CAGE1: variants seen among roughly 807,000 people sequenced by gnomAD.
The protein encoded by CAGE1 is cancer-associated gene 1 protein.
In CAGE1, 66 loss-of-function variants were observed where a neutral mutation model predicts 94.9. The observed-to-expected ratio is 0.70, with a 90% CI of 0.57 to 0.85. The LOEUF is 0.85. Among genes scored for constraint, CAGE1 ranks in the 40% least tolerant of loss-of-function variants. CAGE1 has a pLI of 0.00. For synonymous variants in CAGE1, 319 were observed against 321.0 expected (o/e 0.99, Z 0.07); for missense variants, 865 against 950.4 (o/e 0.91, Z 1.18).
At chr6:7,363,178 G>A (rs946007663) in intron 9 of CAGE1, among the ~76,000 whole-genome samples, 7 of 152,166 alleles carry the variant, frequency 4.6e-5, no homozygotes, top group Non-Finnish European at 2.9e-5. Flanking sequence ...GCTGAGGCAG[G>A]AGAATCGCTT....
intron 11 of CAGE1, among the ~76,000 whole-genome samples, chr6:7,349,736 C>A (rs549205826): frequency 6.6e-6 from 1 of 152,024 alleles, no homozygotes; most frequent in African/African-American, 2.4e-5. Context: ...AGTTTGAGAC[C>A]AGCCTGGCCA....
chr6:7,345,793 C>T (rs1306889774), intron 11 of CAGE1, among the ~76,000 whole-genome samples: 1 of 152,072 alleles, frequency 6.6e-6, no homozygotes, highest in African/African-American at 2.4e-5. Flanking sequence ...GGCGTCGTGG[C>T]AGGCCCCCAT....
Position 7,359,613 on chromosome 6 carries a change from C to A in CAGE1, c.2194-3484G>T, listed in dbSNP as rs535142260. ...TCCTTTTGGAGAGCTGCTCCCCGGGCAGTGTGGACTACAGCCAGTGAGAGG... is the reference window on the plus strand; with the variant it reads ...TCCTTTTGGAGAGCTGCTCCCCGGGAAGTGTGGACTACAGCCAGTGAGAGG... On this transcript the variant is annotated intron_variant, in intron 9 of 13. Transcript: ENST00000502583. Among the ~76,000 whole-genome samples, 17 of 152,250 alleles carry A rather than the reference C, an allele frequency of 1.1e-4. No homozygotes were observed. In the South Asian group the frequency reaches 3.5e-3, roughly 32 times the overall value.
intron 12 of CAGE1, among the ~76,000 whole-genome samples, chr6:7,333,551 G>C (rs1758825737): frequency 6.7e-6 from 1 of 150,164 alleles, no homozygotes; most frequent in Non-Finnish European, 1.5e-5. Flanking sequence ...AAAACATGAA[G>C]CACTTTCATA....
rs1334252821 is a variant in CAGE1 at position 7,378,848 on chromosome 6, T to A, written c.456A>T (p.Lys152Asn). Reference protein sequence around the residue: ...EFQSQVYNYAKDNNIKQDSFK... With the variant: ...EFQSQVYNYANDNNIKQDSFK... ...ATGAGTCTTGCTTTATATTGTTGTC[T>A]TTTGCATAATTATACACTTGACTTT... Residue 152 changes from lysine to asparagine, a missense_variant, in exon 4 of 14, where the codon AAA becomes AAT. Physicochemically the swap from Lys to Asn is moderately conservative, Grantham distance 94. Transcript: ENST00000502583. 1.2e-6 allele frequency: 2 copies of A among 1,612,724 alleles called. No individual in the cohort carries two copies. Among genetic ancestry groups the A allele is most frequent in the Non-Finnish European group, 1.7e-6 (2 of 1,179,134 alleles).
At chr6:7,348,223 A>C (rs1009730337) in intron 11 of CAGE1, among the ~76,000 whole-genome samples, 1 of 152,158 alleles carries the variant, frequency 6.6e-6, no homozygotes, top group African/African-American at 2.4e-5. Context: ...CACAGCTGAT[A>C]TCCATAGACA....
At chr6:7,341,523 C>G (rs1428933018) in intron 11 of CAGE1, 1 of 1,237,710 alleles carries the variant, frequency 8.1e-7, no homozygotes, top group African/African-American at 1.5e-5. Context: ...CCAGAAGATT[C>G]TGAGGGTTGA....
intron 7 of CAGE1, among the ~76,000 whole-genome samples, chr6:7,366,122 T>C (rs1283126436): frequency 6.6e-6 from 1 of 151,774 alleles, no homozygotes; most frequent in African/African-American, 2.4e-5. Context: ...GGCTGGCACC[T>C]GTAATCCCAG....
rs934688507 is a variant in CAGE1, at chr6:7,339,370, G to A, written c.2370-5280C>T. The A allele has an allele frequency of 1.9e-6, 3 of 1,608,044 alleles. No individual in the cohort carries two copies. Among genetic ancestry groups the A allele is most frequent in the Non-Finnish European group, 1.7e-6 (2 of 1,175,266 alleles). ...TTCTGAACTACAGCAGTCAGTTCCC[G>A]AATCCGCCGGCCCTTCTCACCAAGA... On this transcript the variant is annotated intron_variant, in intron 11 of 13. Coordinates refer to ENST00000502583, the MANE Select transcript of CAGE1 (RefSeq NM_001170692.2). The surrounding 1 kb of genome is among the most constrained non-coding windows in gnomAD (Gnocchi z 4.7).
chr6:7,371,992 T>G (rs200336781), intron 5 of CAGE1, among the ~76,000 whole-genome samples: 1 of 152,178 alleles, frequency 6.6e-6, no homozygotes. Context: ...CAAAAAAGCC[T>G]TTTGAACTAC....
At chr6:7,344,606 A>T (rs1195490481) in intron 11 of CAGE1, among the ~76,000 whole-genome samples, 5 of 151,918 alleles carry the variant, frequency 3.3e-5, no homozygotes, top group Non-Finnish European at 5.9e-5. Context: ...GTGCGGGCGT[A>T]CGGCCCGAGA....
intron 12 of CAGE1, among the ~76,000 whole-genome samples, chr6:7,333,636 A>C (rs1758836221): frequency 2.3e-5 from 1 of 43,614 alleles, no homozygotes; most frequent in Non-Finnish European, 3.9e-5. Flanking sequence ...CTATCTATCT[A>C]ACTATCTATA....
At chr6:7,386,787 A>G (rs1003742023) in intron 2 of CAGE1, among the ~76,000 whole-genome samples, 192 bp downstream of exon 2, 7 of 152,176 alleles carry the variant, frequency 4.6e-5, no homozygotes, top group African/African-American at 1.7e-4. Context: ...GGGTCTCACC[A>G]TGTTGCCCAG....
chr6:7,346,070 A>C (rs1759518238), intron 11 of CAGE1, among the ~76,000 whole-genome samples: 1 of 152,204 alleles, frequency 6.6e-6, no homozygotes. Context: ...ATTTTTTTTA[A>C]ATTTTAGGTG....
At chr6:7,364,379 C>T (rs1381129544) in intron 9 of CAGE1, among the ~76,000 whole-genome samples, 1 of 152,056 alleles carries the variant, frequency 6.6e-6, no homozygotes, top group Non-Finnish European at 1.5e-5. Context: ...TCCTTAGTAC[C>T]AGGGTTTATG....
chr6:7,344,594 G>A (rs1271325879), intron 11 of CAGE1, among the ~76,000 whole-genome samples: 1 of 152,102 alleles, frequency 6.6e-6, no homozygotes, highest in African/African-American at 2.4e-5. Flanking sequence ...AAGGGCTGAG[G>A]AGTGCGGGCG....
intron 11 of CAGE1, among the ~76,000 whole-genome samples, chr6:7,335,433 C>T (rs1325355946): frequency 4.6e-5 from 7 of 152,282 alleles, no homozygotes; most frequent in East Asian, 1.9e-4. Flanking sequence ...GTGAAATGAG[C>T]GAAGCCAGCT....
In CAGE1 at chr6:7,373,304, C is replaced by T. The variant is rs181758123; in HGVS notation, c.1515G>A (p.Leu505=). The T allele has an allele frequency of 2.0e-3, 3,162 of 1,606,574 alleles. 18 individuals are homozygous for T. In the Middle Eastern group the frequency reaches 0.02, roughly 10 times the overall value. ...TGAGCAATTTCTCAAGTCTAGATTT[C>T]AGTTTCTGTCTTTCTTCCAGGTTTT... ...EKENLEERQK[L]KSRLEKLLTQ... Residue 505 remains leucine (L), a synonymous_variant, in exon 5 of 14, where the codon CTG becomes CTA. Coordinates refer to ENST00000502583, the MANE Select transcript of CAGE1 (RefSeq NM_001170692.2).
chr6:7,329,457 T>C (rs973227558), intron 13 of CAGE1, among the ~76,000 whole-genome samples: 1 of 152,148 alleles, frequency 6.6e-6, no homozygotes, highest in African/African-American at 2.4e-5. Flanking sequence ...TGGGAACCAC[T>C]GAAGGGCTTT....
Sources: allele counts gnomAD v4.1 joint callset (sites outside exome capture counted in the v4.1 genomes callset), GRCh38; gene constraint gnomAD v4.1.1; non-coding constraint Gnocchi (gnomAD v3.1); transcripts MANE v1.5; gene names NCBI Gene and HGNC (gene_info 2026-07-23, HGNC 2026-07-21).